The following WAC variants were observed in gnomAD, a reference collection of about 807,000 sequenced individuals.
WAC encodes WW domain containing adaptor with coiled-coil.
In WAC, 11 loss-of-function variants were observed where a neutral mutation model predicts 79.6. That is an observed-to-expected ratio of 0.14 (90% CI 0.09 to 0.23). The LOEUF is 0.23. Ranked by LOEUF, WAC falls within the 10% of genes least tolerant of loss-of-function variation. WAC has a pLI of 1.00. For synonymous variants in WAC, 304 were observed against 276.9 expected (o/e 1.10, Z -0.97); for missense variants, 728 against 773.5 (o/e 0.94, Z 0.70).
chr10:28,548,586 T>C (rs1309282416), intron 3 of WAC, among the ~76,000 whole-genome samples: 1 of 152,196 alleles, frequency 6.6e-6, no homozygotes, highest in Non-Finnish European at 1.5e-5. Flanking sequence ...ATTTTATAAC[T>C]GATTTACTAG....
intron 9 of WAC, 84 bp from the exon 10 acceptor site, chr10:28,611,690 T>G (rs1007082260): frequency 9.2e-6 from 14 of 1,515,416 alleles, no homozygotes; most frequent in Non-Finnish European, 1.3e-5. Context: ...AATACAAATA[T>G]CTTTGCCACA....
intron 6 of WAC, chr10:28,591,774 G>C (rs1840094706): frequency 1.3e-5 from 2 of 148,300 alleles, no homozygotes; most frequent in African/African-American, 2.5e-5. Context: ...TTGAGCCCTG[G>C]CATTTGGCTA....
chr10:28,601,478 C>G (rs1396585162), intron 7 of WAC, among the ~76,000 whole-genome samples: 1 of 152,022 alleles, frequency 6.6e-6, no homozygotes, highest in Non-Finnish European at 1.5e-5. Context: ...TAAAATGATG[C>G]AGCTACTCTG....
intron 7 of WAC, among the ~76,000 whole-genome samples, chr10:28,598,025 C>T (rs1840467499): frequency 6.6e-6 from 1 of 152,228 alleles, no homozygotes; most frequent in Non-Finnish European, 1.5e-5. Context: ...GCCTTGGCCT[C>T]CCAACGTGCT....
chr10:28,542,425 G>C (rs1271660067), intron 3 of WAC, among the ~76,000 whole-genome samples: 1 of 152,220 alleles, frequency 6.6e-6, no homozygotes, highest in Non-Finnish European at 1.5e-5. Context: ...TAGGAGCACA[G>C]TAACCAAAAA....
At position 28,605,874 on chromosome 10, in the gene WAC, A is replaced by T. The variant is rs1372766177; in HGVS notation, c.920-2312A>T. ...TGAGGATAATTTCAGGGGGATATTA[A>T]TACTAGTTTAATTCATGCAGTAAGT... On this transcript the variant is annotated intron_variant, in intron 7 of 13. Coordinates refer to ENST00000354911, the MANE Select transcript of WAC (RefSeq NM_016628.5). Among the ~76,000 whole-genome samples the T allele has an allele frequency of 2.6e-5, 4 of 152,310 alleles. No homozygotes were observed. In the East Asian group the frequency reaches 7.7e-4, roughly 29 times the overall value.
chr10:28,557,075 T>TG (rs1363750707), intron 3 of WAC, among the ~76,000 whole-genome samples: 2 of 152,012 alleles, frequency 1.3e-5, no homozygotes, highest in African/African-American at 2.4e-5. Context: ...GTTTTTTTTT[T>TG]TGTGTTGAAA....
At chr10:28,585,283 G>A (rs1249762691) in intron 4 of WAC, among the ~76,000 whole-genome samples, 1 of 152,110 alleles carries the variant, frequency 6.6e-6, no homozygotes, top group Non-Finnish European at 1.5e-5. Flanking sequence ...TGAGGGTATG[G>A]TGAAGCTAGT....
intron 3 of WAC, among the ~76,000 whole-genome samples, chr10:28,547,811 C>A (rs1325119227): frequency 1.3e-5 from 2 of 151,748 alleles, no homozygotes; most frequent in Admixed American, 6.6e-5. Flanking sequence ...ATCCTTGGAT[C>A]TAAAACTTCA....
chr10:28,573,785 A>T (rs975384091), intron 3 of WAC, among the ~76,000 whole-genome samples: 9 of 152,216 alleles, frequency 5.9e-5, no homozygotes, highest in African/African-American at 2.2e-4. Flanking sequence ...ATATATTCAC[A>T]GTTAGTAGTC....
chr10:28,563,860 A>C (rs1257950367), intron 3 of WAC, among the ~76,000 whole-genome samples: 1 of 149,628 alleles, frequency 6.7e-6, no homozygotes, highest in Non-Finnish European at 1.5e-5. Context: ...TGGTCTCCCA[A>C]AGTGCTGGAA....
In WAC at chr10:28,622,859, A is replaced by C. The variant is rs1339732201; in HGVS notation, c.*3253A>C. On this transcript the variant is annotated 3_prime_UTR_variant, in exon 14 of 14. Transcript: ENST00000354911. ...GGAAATAATTCACTCTGCGCACCGG[A>C]ACTATTGTAGTTCAGGACTTCCAGC... 6.6e-6 allele frequency: 1 copy of C among 152,160 alleles called. No homozygotes were observed. The highest frequency in any genetic ancestry group is 2.4e-5 in the African/African-American group (1 of 41,426). The allele number at this position is 152,160 out of a possible 1,614,324, so 9.4% of individuals were successfully genotyped here. A position where few individuals can be genotyped will look rare whatever the true frequency, so the allele number is the denominator to read the frequency against.
At position 28,548,979 on chromosome 10, in the gene WAC, CAAA is replaced by C. The variant is rs552792958; in HGVS notation, c.274+13227_274+13229del. ...GTATGGTCATGGCTCACTGCAGCCT[CAAA>C]AAAACTCCTGGGCTCAAGTGATCCT... On this transcript the variant is annotated intron_variant, in intron 3 of 13. Coordinates refer to ENST00000354911, the MANE Select transcript of WAC (RefSeq NM_016628.5). Among the ~76,000 whole-genome samples the C allele has an allele frequency of 7.3e-3, 1,111 of 152,138 alleles. 6 individuals carry two copies. Among genetic ancestry groups the C allele is most frequent in the South Asian group, 0.016 (76 of 4,822 alleles).
intron 3 of WAC, among the ~76,000 whole-genome samples, chr10:28,545,418 TGTG>T (rs1295858093): frequency 1.3e-5 from 2 of 152,060 alleles, no homozygotes; most frequent in African/African-American, 2.4e-5. Context: ...AGGCAGAGGT[TGTG>T]GTGAGCTGAG....
In WAC at chr10:28,616,260, T is replaced by C; in HGVS notation, c.1644T>C (p.Ser548=). 1 of 1,614,078 alleles carries C rather than the reference T, an allele frequency of 6.2e-7. No homozygotes were observed. The highest frequency in any genetic ancestry group is 1.3e-5 in the African/African-American group (1 of 75,068). Reference sequence around the variant, plus strand: ...CAACAGTTGTACCACAGAATTCTTCTGCCCGATCCACGTGTTCATTAACGC... The same window carrying C: ...CAACAGTTGTACCACAGAATTCTTCCGCCCGATCCACGTGTTCATTAACGC... The part of the protein sequence containing the change: ...SNATVVPQNS[S]ARSTCSLTPA... The change falls in exon 12 of 14, where the codon TCT becomes TCC. Residue 548 remains serine, a synonymous_variant. Coordinates refer to ENST00000354911, the MANE Select transcript of WAC (RefSeq NM_016628.5).
upstream of WAC, chr10:28,532,859 A>G (rs992533643): frequency 6.5e-6 from 1 of 153,076 alleles, no homozygotes; most frequent in Non-Finnish European, 1.5e-5. Context: ...AGCCCCTGAG[A>G]TCAGCCTCGA....
In WAC at chr10:28,556,432, G is replaced by A. The variant is rs191972479; in HGVS notation, c.274+20675G>A. Among the ~76,000 whole-genome samples, 718 of 110,172 alleles carry A rather than the reference G, an allele frequency of 6.5e-3. 12 individuals carry two copies. The highest frequency in any genetic ancestry group is 0.022 in the African/African-American group (686 of 30,808). 72.3% of individuals were successfully genotyped at this position (110,172 alleles called of 152,430 possible). ...TTTTTTTTTGCCATTAAGCTGGTGA[G>A]TTCCTTATAGATTTTGGATACTTAA... On this transcript the variant is annotated intron_variant, in intron 3 of 13. Coordinates refer to ENST00000354911, the MANE Select transcript of WAC (RefSeq NM_016628.5).
At chr10:28,556,003 A>G (rs942987319) in intron 3 of WAC, among the ~76,000 whole-genome samples, 1 of 152,210 alleles carries the variant, frequency 6.6e-6, no homozygotes, top group Non-Finnish European at 1.5e-5. Context: ...GGGTGATTAG[A>G]CATCACCTGG....
At chr10:28,549,160 A>G (rs928942216) in intron 3 of WAC, among the ~76,000 whole-genome samples, 11 of 92,806 alleles carry the variant, frequency 1.2e-4, no homozygotes, top group Non-Finnish European at 2.0e-4. Flanking sequence ...CAGCCTCCCA[A>G]AGTGCTGGGA....
Sources: allele counts gnomAD v4.1 joint callset (sites outside exome capture counted in the v4.1 genomes callset), GRCh38; gene constraint gnomAD v4.1.1; transcripts MANE v1.5; gene names NCBI Gene and HGNC (gene_info 2026-07-23, HGNC 2026-07-21).